KIF1B: variants seen among roughly 807,000 people sequenced by gnomAD.
KIF1B encodes kinesin-like protein KIF1B.
A neutral mutation model predicts 241.9 loss-of-function variants in KIF1B; 76 were observed. That is an observed-to-expected ratio of 0.31 (90% CI 0.26 to 0.38). The LOEUF (loss-of-function observed/expected upper bound fraction) is 0.38. KIF1B is among the 10% of genes least tolerant of loss of function. The probability of loss-of-function intolerance (pLI) is 1.00; values close to 1 mark genes in which losing one functional copy is unlikely to be tolerated. For synonymous variants in KIF1B, 750 were observed against 796.7 expected (o/e 0.94, Z 0.99); for missense variants, 1,622 against 2,271.4 (o/e 0.71, Z 5.81).
chr1:10,312,196 C>T (rs1651099302), intron 22 of KIF1B, among the ~76,000 whole-genome samples: 1 of 151,538 alleles, frequency 6.6e-6, no homozygotes, highest in Admixed American at 6.6e-5. Context: ...TGAACTGGAG[C>T]AGCTAGCTCA....
chr1:10,337,523 T>G lies in KIF1B; in HGVS notation c.3412T>G (p.Cys1138Gly). 6.2e-7 allele frequency: 1 copy of G among 1,614,266 alleles called. No homozygotes were observed. The highest frequency in any genetic ancestry group is 8.5e-7 in the Non-Finnish European group (1 of 1,180,044). The change falls in exon 31 of 49, where the codon TGT becomes GGT. Residue 1138 changes from cysteine (C) to glycine (G), a missense_variant. Cys to Gly is a radical substitution (Grantham distance 159). Coordinates refer to ENST00000676179, the MANE Select transcript of KIF1B (RefSeq NM_001365951.3). This position sits in a 1 kb window ranked among gnomAD's most constrained non-coding sequence, Gnocchi z 4.0. Reference sequence around the variant, plus strand: ...CCTCCCAGAGTATGCAGATATCTTCTGTCAGTTCAAGTAAGCTGCCCCTTT... The same window carrying G: ...CCTCCCAGAGTATGCAGATATCTTCGGTCAGTTCAAGTAAGCTGCCCCTTT... ...GILPEYADIF[C>G]QFNFLHRHDE... is the part of the protein sequence containing the mutation.
chr1:10,326,078 G>T lies in KIF1B; in HGVS notation c.2676-33G>T, dbSNP rs1361508418. 7.4e-6 allele frequency: 12 copies of T among 1,612,826 alleles called. No homozygotes were observed. Among genetic ancestry groups the T allele is most frequent in the Non-Finnish European group, 1.0e-5 (12 of 1,179,974 alleles). On this transcript the variant is annotated intron_variant, in intron 26 of 48. Coordinates refer to ENST00000676179, the MANE Select transcript of KIF1B (RefSeq NM_001365951.3). The surrounding 1 kb of genome is among the most constrained non-coding windows in gnomAD (Gnocchi z 5.2). ...TTAACCAACTATTCCTCTCTCCCTG[G>T]CTGTGTTAATTGGCGTCTTACCTGG... is the stretch of plus-strand genomic sequence containing the variant.
chr1:10,342,532 C>T (rs998059590), intron 33 of KIF1B, among the ~76,000 whole-genome samples: 2 of 152,182 alleles, frequency 1.3e-5, no homozygotes, highest in Admixed American at 1.3e-4. Flanking sequence ...CTGAGGAAAG[C>T]AACAGTGGGC....
At chr1:10,273,126 C>T in intron 10 of KIF1B, 95 bp downstream of exon 10, 1 of 895,388 alleles carries the variant, frequency 1.1e-6, no homozygotes, top group African/African-American at 1.7e-5. Context: ...ATGGAACCTT[C>T]AAAAATCTTT....
rs1484862400 is a variant in KIF1B at position 10,368,450 on chromosome 1, C to T, written c.4753-17C>T. Reference sequence around the variant, plus strand: ...GACATTTTATGTTCAGCTTGCACTTCTCTTTCTCTTCTTTAGTGCCTGCAA... The same window carrying T: ...GACATTTTATGTTCAGCTTGCACTTTTCTTTCTCTTCTTTAGTGCCTGCAA... On this transcript the variant is annotated splice_polypyrimidine_tract_variant and intron_variant, in intron 43 of 48. Transcript: ENST00000676179. 1 of 1,609,346 alleles carries T rather than the reference C, an allele frequency of 6.2e-7. No individual in the cohort carries two copies. Among genetic ancestry groups the T allele is most frequent in the Non-Finnish European group, 8.5e-7 (1 of 1,175,944 alleles).
intron 1 of KIF1B, among the ~76,000 whole-genome samples, chr1:10,224,420 T>C (rs1270572490): frequency 6.6e-6 from 1 of 151,982 alleles, no homozygotes; most frequent in Non-Finnish European, 1.5e-5. Context: ...CCAGCCTGTT[T>C]TGTGTGTGTG....
intron 31 of KIF1B, among the ~76,000 whole-genome samples, chr1:10,338,036 T>G (rs1190560172): frequency 6.6e-6 from 1 of 152,214 alleles, no homozygotes; most frequent in African/African-American, 2.4e-5. Context: ...GGACTTGCTC[T>G]TTCCCGCGGC....
rs868747170 is a variant in KIF1B at position 10,360,834 on chromosome 1, C to T, written c.4056-95C>T. 6 of 825,940 alleles carry T rather than the reference C, an allele frequency of 7.3e-6. No individual in the cohort carries two copies. The Middle Eastern group carries it at 1.1e-3, about 151-fold the overall frequency. 51.2% of individuals were successfully genotyped at this position (825,940 alleles called of 1,614,324 possible). On this transcript the variant is annotated intron_variant, in intron 38 of 48. Transcript: ENST00000676179. ...TAAACTGAAAGTGTCTGTTGGTTGG[C>T]GTATGGTTCTTTAGGATGATTGACA...
rs989067050 is a variant in KIF1B, at chr1:10,378,233, C to T, written c.*1646C>T. 4.9e-5 allele frequency: 34 copies of T among 698,446 alleles called. No homozygotes were observed. Among genetic ancestry groups the T allele is most frequent in the Non-Finnish European group, 7.2e-5 (27 of 377,280 alleles). 43.3% of individuals were successfully genotyped at this position (698,446 alleles called of 1,614,324 possible). ...GGATGAACGTCCAGGGAGCCCGGGCCCCAGGCTTTGTTGCGTGTTCCCTGC... is the reference window on the plus strand; with the variant it reads ...GGATGAACGTCCAGGGAGCCCGGGCTCCAGGCTTTGTTGCGTGTTCCCTGC... On this transcript the variant is annotated 3_prime_UTR_variant, in exon 49 of 49. Coordinates refer to ENST00000676179, the MANE Select transcript of KIF1B (RefSeq NM_001365951.3).
chr1:10,257,474 C>CA (rs781756435), intron 3 of KIF1B, among the ~76,000 whole-genome samples: 3,743 of 109,054 alleles, frequency 0.034, 69 homozygotes, highest in African/African-American at 0.069. Flanking sequence ...GACTGTGTCT[C>CA]AAAAAAAAAA....
chr1:10,274,584 T>TA (rs1181338671), intron 10 of KIF1B, among the ~76,000 whole-genome samples: 1 of 152,238 alleles, frequency 6.6e-6, no homozygotes, highest in Non-Finnish European at 1.5e-5. Flanking sequence ...TTACAAGAGT[T>TA]ACTAGATTTG....
At chr1:10,270,215 A>G (rs1177544997) in intron 7 of KIF1B, among the ~76,000 whole-genome samples, 2 of 152,208 alleles carry the variant, frequency 1.3e-5, no homozygotes, top group African/African-American at 2.4e-5. Context: ...GTTGCCTCAT[A>G]TCTCTTTGTA....
chr1:10,346,905 C>G (rs1652610486), intron 35 of KIF1B, among the ~76,000 whole-genome samples: 1 of 152,192 alleles, frequency 6.6e-6, no homozygotes. Flanking sequence ...CCCCTACCCA[C>G]AAGATGCCAG....
intron 22 of KIF1B, among the ~76,000 whole-genome samples, chr1:10,300,818 A>AATC (rs1650504648): frequency 6.6e-6 from 1 of 152,232 alleles, no homozygotes; most frequent in Non-Finnish European, 1.5e-5. Context: ...GATTTTAAAA[A>AATC]CTAAAAATGA....
rs760491576 is a variant in KIF1B at position 10,347,721 on chromosome 1, A to C, written c.3798-40A>C. On this transcript the variant is annotated intron_variant, in intron 35 of 48. Coordinates refer to ENST00000676179, the MANE Select transcript of KIF1B (RefSeq NM_001365951.3). ...ACCAGGGGCTAAGCCTTGCAGATGA[A>C]GTAGCACTTAGTTTTTTCTTTTGCG... The C allele has an allele frequency of 4.7e-5, 72 of 1,537,308 alleles. 1 individual carries two copies. The South Asian group carries it at 6.8e-4, about 15-fold the overall frequency.
At chr1:10,282,746 T>C (rs1373300405) in intron 15 of KIF1B, among the ~76,000 whole-genome samples, 3 of 152,202 alleles carry the variant, frequency 2.0e-5, no homozygotes, top group South Asian at 4.1e-4. Flanking sequence ...GAGAAGTGCA[T>C]GGGCAGTTCA....
intron 43 of KIF1B, among the ~76,000 whole-genome samples, chr1:10,367,242 T>C (rs1044441288): frequency 6.6e-6 from 1 of 151,100 alleles, no homozygotes; most frequent in African/African-American, 2.4e-5. Context: ...AGTACAGGCA[T>C]GTGCCACCAC....
chr1:10,233,095 CAGGCACA>C (rs1401256079), intron 2 of KIF1B, among the ~76,000 whole-genome samples: 1 of 152,172 alleles, frequency 6.6e-6, no homozygotes, highest in Non-Finnish European at 1.5e-5. Flanking sequence ...GTCACCCTTT[CAGGCACA>C]AGTTACTGCT....
At chr1:10,327,426 G>A (rs1197982951) in intron 27 of KIF1B, among the ~76,000 whole-genome samples, 3 of 151,482 alleles carry the variant, frequency 2.0e-5, no homozygotes, top group African/African-American at 7.3e-5. Flanking sequence ...ACTTGAACCC[G>A]GAAGGCAGAG....
Sources: gnomAD v4.1 joint callset for allele counts (sites outside exome capture counted in the v4.1 genomes callset) on GRCh38, gnomAD v4.1.1 for gene constraint, Gnocchi (gnomAD v3.1) non-coding constraint, MANE v1.5 for transcripts, NCBI Gene and HGNC (gene_info 2026-07-23, HGNC 2026-07-21) for gene names.